GALNT5: variants seen among roughly 807,000 people sequenced by gnomAD.
The protein encoded by GALNT5 is polypeptide N-acetylgalactosaminyltransferase 5.
GALNT5 carries 72 observed loss-of-function variants against 85.4 expected under a neutral mutation model. The ratio of observed to expected loss-of-function variants is 0.84; its 90% confidence interval spans 0.70 to 1.03. The LOEUF is 1.03. GALNT5 is among the 50% of genes least tolerant of loss of function. The pLI is 0.00. For missense variants in GALNT5, 1,137 were observed against 1,135.5 expected, an observed-to-expected ratio of 1.00 and a Z score of -0.02; for synonymous variants, 404 against 397.0, an observed-to-expected ratio of 1.02 and a Z score of -0.21.
At chr2:157,263,484 G>A (rs756116075) in intron 1 of GALNT5, among the ~76,000 whole-genome samples, 3 of 152,108 alleles carry the variant, frequency 2.0e-5, no homozygotes, top group Non-Finnish European at 2.9e-5. Flanking sequence ...TACTCTTAGT[G>A]TACACAGGCA....
In GALNT5 at chr2:157,258,201, T is replaced by C; in HGVS notation, c.119T>C (p.Ile40Thr). 4 of 1,613,838 alleles carry C rather than the reference T, an allele frequency of 2.5e-6. No individual in the cohort carries two copies. The highest frequency in any genetic ancestry group is 3.4e-6 in the Non-Finnish European group (4 of 1,179,980). The change falls in exon 1 of 10, where the codon ATC becomes ACC. Residue 40 changes from isoleucine (I) to threonine (T), a missense_variant. Ile to Thr is a moderately conservative substitution (Grantham distance 89). Transcript: ENST00000259056. The part of the protein sequence containing the change: ...MAALRLSFSE[I>T]NTRVIKEDIV... The stretch of plus-strand genomic sequence containing the variant: ...GCTCTCCGCCTCTCATTCAGTGAGA[T>C]CAACACTCGGGTCATCAAGGAAGAC...
intron 1 of GALNT5, among the ~76,000 whole-genome samples, chr2:157,279,658 G>A (rs898927141): frequency 2.0e-5 from 3 of 152,248 alleles, no homozygotes; most frequent in Non-Finnish European, 4.4e-5. Context: ...TCTGCCAGTT[G>A]CTGAGACTGT....
At chr2:157,310,185 A>G (rs781402297) in intron 9 of GALNT5, among the ~76,000 whole-genome samples, 3 of 152,170 alleles carry the variant, frequency 2.0e-5, no homozygotes, top group Non-Finnish European at 4.4e-5. Context: ...CCTTTTCCCT[A>G]CCTTGTTTGT....
chr2:157,307,318 A>C (rs1398446451), intron 8 of GALNT5, among the ~76,000 whole-genome samples: 2 of 152,360 alleles, frequency 1.3e-5, no homozygotes, highest in East Asian at 3.9e-4. Context: ...AGTGACTACA[A>C]CATTCATCCA....
At chr2:157,285,913 G>C in intron 2 of GALNT5, 102 bp from the exon 3 acceptor site, 4 of 706,908 alleles carry the variant, frequency 5.7e-6, no homozygotes, top group Non-Finnish European at 9.8e-6. Context: ...AGTGATGATG[G>C]TAATGTCATA....
chr2:157,295,034 C>T (rs1455290071), intron 3 of GALNT5, among the ~76,000 whole-genome samples: 1 of 151,392 alleles, frequency 6.6e-6, no homozygotes, highest in East Asian at 1.9e-4. Context: ...AATGTACCAT[C>T]TTAACCATTT....
In GALNT5 at chr2:157,311,241, T is replaced by G. The variant is rs1574038759; in HGVS notation, c.2716T>G (p.Leu906Val). 1.2e-6 allele frequency: 2 copies of G among 1,610,634 alleles called. No individual in the cohort carries two copies. Among genetic ancestry groups the G allele is most frequent in the Non-Finnish European group, 1.7e-6 (2 of 1,177,318 alleles). Residue 906 changes from leucine to valine, a missense_variant, in exon 10 of 10, where the codon TTA becomes GTA. Coordinates refer to ENST00000259056, the MANE Select transcript of GALNT5 (RefSeq NM_014568.3). ...CATTGTTTTTGAAAACAATCAGCAA[T>G]TATTATGCTTGGAAGGAAATTTTTC... ...NHIVFENNQQ[L>V]LCLEGNFSQK...
chr2:157,275,864 T>TA (rs1157912633), intron 1 of GALNT5, among the ~76,000 whole-genome samples: 1 of 152,186 alleles, frequency 6.6e-6, no homozygotes, highest in Non-Finnish European at 1.5e-5. Flanking sequence ...CTATGTTGAA[T>TA]AGGAGTGGTG....
At chr2:157,290,344 G>A (rs962462503) in intron 3 of GALNT5, among the ~76,000 whole-genome samples, 4 of 151,986 alleles carry the variant, frequency 2.6e-5, no homozygotes, top group Admixed American at 1.3e-4. Flanking sequence ...GGTTTGTCTC[G>A]ATGTATCCTT....
chr2:157,258,552 A>G lies in GALNT5; in HGVS notation c.470A>G (p.Gln157Arg), dbSNP rs1682251698. ...RGTKPEASSH[Q>R]GTPKQTTAQG... is the part of the protein sequence containing the mutation. ...ACCAAACCTGAAGCCTCCTCTCACC[A>G]GGGGACACCAAAGCAAACGACAGCT... is the stretch of plus-strand genomic sequence containing the variant. The change falls in exon 1 of 10, where the codon CAG becomes CGG. Residue 157 changes from glutamine (Q) to arginine (R), a missense_variant. By Grantham distance (43) the Gln-to-Arg change is conservative. Coordinates refer to ENST00000259056, the MANE Select transcript of GALNT5 (RefSeq NM_014568.3). The G allele has an allele frequency of 1.9e-6, 3 of 1,612,262 alleles. No homozygotes were observed. The highest frequency in any genetic ancestry group is 1.7e-6 in the Non-Finnish European group (2 of 1,179,552).
chr2:157,311,070 T>G, intron 9 of GALNT5, 138 bp from the exon 10 acceptor site: 2 of 706,314 alleles, frequency 2.8e-6, no homozygotes, highest in South Asian at 3.2e-5. Context: ...TGTGTTTATG[T>G]TAATAATTTA....
At position 157,316,224 on chromosome 2, in the gene GALNT5, T is replaced by G. The variant is rs1358766038; in HGVS notation, c.*4876T>G. Among the ~76,000 whole-genome samples the G allele has an allele frequency of 6.6e-6, 1 of 152,110 alleles. No individual in the cohort carries two copies. The highest frequency in any genetic ancestry group is 2.4e-5 in the African/African-American group (1 of 41,426). On this transcript the variant is annotated 3_prime_UTR_variant, in exon 10 of 10. Transcript: ENST00000259056. Reference sequence around the variant, plus strand: ...GTGCCTGGCTTCCAGGTACAGCTGCTAGCTTTACATATGGGAGCCTCTAGC... The same window carrying G: ...GTGCCTGGCTTCCAGGTACAGCTGCGAGCTTTACATATGGGAGCCTCTAGC...
chr2:157,311,708 C>T lies in GALNT5; in HGVS notation c.*360C>T, dbSNP rs1442800759. 1 of 159,724 alleles carries T rather than the reference C, an allele frequency of 6.3e-6. No homozygotes were observed. Among genetic ancestry groups the T allele is most frequent in the African/African-American group, 2.4e-5 (1 of 41,606 alleles). 9.9% of individuals were successfully genotyped at this position (159,724 alleles called of 1,614,324 possible). On this transcript the variant is annotated 3_prime_UTR_variant, in exon 10 of 10. Coordinates refer to ENST00000259056, the MANE Select transcript of GALNT5 (RefSeq NM_014568.3). ...TGACTATGTTTGGTAATAATCAGCT[C>T]TTCTGGCCCACAAGTAGGAATGATC...
rs907139308 is a variant in GALNT5, at chr2:157,316,731, G to A, written c.*5383G>A. ...AAGCTTAATGGATAGTATTCCAGGT[G>A]TTGGTGGTGTCTGTATCTCAAAGAA... On this transcript the variant is annotated 3_prime_UTR_variant, in exon 10 of 10. Coordinates refer to ENST00000259056, the MANE Select transcript of GALNT5 (RefSeq NM_014568.3). 2.0e-5 allele frequency among the ~76,000 whole-genome samples: 3 copies of A among 152,112 alleles called. No individual in the cohort carries two copies. Among genetic ancestry groups the A allele is most frequent in the Non-Finnish European group, 1.5e-5 (1 of 68,004 alleles).
chr2:157,305,647 A>C (rs1683439973), intron 7 of GALNT5, 102 bp from the exon 8 acceptor site: 2 of 689,808 alleles, frequency 2.9e-6, no homozygotes, highest in Admixed American at 2.3e-5. Context: ...ATTAACTTTT[A>C]ACCTTATTAT....
chr2:157,261,969 T>A (rs1462639149), intron 1 of GALNT5, among the ~76,000 whole-genome samples: 1 of 151,906 alleles, frequency 6.6e-6, no homozygotes, highest in Non-Finnish European at 1.5e-5. Flanking sequence ...TAAAATAGAA[T>A]AAGAAAATGA....
intron 3 of GALNT5, among the ~76,000 whole-genome samples, chr2:157,291,841 G>C (rs1304401809): frequency 6.6e-6 from 1 of 151,960 alleles, no homozygotes; most frequent in Non-Finnish European, 1.5e-5. Flanking sequence ...GGTCACTATA[G>C]TTAACAATAG....
chr2:157,276,963 C>T (rs1270945321), intron 1 of GALNT5, among the ~76,000 whole-genome samples: 3 of 152,164 alleles, frequency 2.0e-5, no homozygotes, highest in African/African-American at 7.2e-5. Flanking sequence ...GCATTTAGTG[C>T]TATAAATTTC....
intron 8 of GALNT5, 40 bp downstream of exon 8, chr2:157,305,869 T>C (rs761150379): frequency 5.2e-5 from 57 of 1,086,892 alleles, no homozygotes; most frequent in Non-Finnish European, 7.4e-5. Context: ...AGCTGATAGG[T>C]GCAGGGTATG....
Sources: allele counts gnomAD v4.1 joint callset (sites outside exome capture counted in the v4.1 genomes callset), GRCh38; gene constraint gnomAD v4.1.1; transcripts MANE v1.5; gene names NCBI Gene and HGNC (gene_info 2026-07-23, HGNC 2026-07-21).